TANGO6: variants seen among roughly 807,000 people sequenced by gnomAD.
TANGO6 encodes the protein transport and Golgi organization protein 6 homolog.
In TANGO6, 90 loss-of-function variants were observed where a neutral mutation model predicts 114.2. That is an observed-to-expected ratio of 0.79 (90% CI 0.66 to 0.94). The LOEUF is 0.94. Ranked by LOEUF, TANGO6 falls within the 40% of genes least tolerant of loss-of-function variation. The pLI is 0.00. For synonymous variants in TANGO6, 477 were observed against 509.8 expected (o/e 0.94, Z 0.87); for missense variants, 1,274 against 1,315.3 (o/e 0.97, Z 0.49).
chr16:68,951,515 T>C (rs932133444), intron 14 of TANGO6, among the ~76,000 whole-genome samples: 1 of 152,012 alleles, frequency 6.6e-6, no homozygotes, highest in Non-Finnish European at 1.5e-5. Context: ...AGAGGCTGGA[T>C]TCAACTCCAA....
chr16:68,978,932 T>C (rs1392236027), intron 15 of TANGO6, among the ~76,000 whole-genome samples: 1 of 151,122 alleles, frequency 6.6e-6, no homozygotes, highest in Non-Finnish European at 1.5e-5. Flanking sequence ...ATGATTTTTT[T>C]TTTTTTTTTT....
chr16:68,930,140 A>G, intron 13 of TANGO6, 98 bp from the exon 14 acceptor site: 1 of 1,017,530 alleles, frequency 9.8e-7, no homozygotes, highest in Non-Finnish European at 1.5e-6. Flanking sequence ...GAAAAACAAG[A>G]AGCGAAGCAT....
At chr16:69,078,362 T>C (rs147885602) in intron 17 of TANGO6, among the ~76,000 whole-genome samples, 275 of 152,326 alleles carry the variant, frequency 1.8e-3, no homozygotes, top group African/African-American at 5.9e-3. Context: ...TCTCTTCTTA[T>C]AGCAAGTCCA....
intron 6 of TANGO6, among the ~76,000 whole-genome samples, chr16:68,879,595 A>T: frequency 6.6e-6 from 1 of 151,946 alleles, no homozygotes; most frequent in Non-Finnish European, 1.5e-5. Context: ...CCTAGATACA[A>T]CTATTAACTC....
intron 14 of TANGO6, among the ~76,000 whole-genome samples, chr16:68,955,300 T>C (rs1279192092): frequency 6.6e-6 from 1 of 152,224 alleles, no homozygotes; most frequent in Non-Finnish European, 1.5e-5. Flanking sequence ...AGTATACTAA[T>C]TAGATAAAAT....
At chr16:68,906,245 A>G (rs1962848238) in intron 9 of TANGO6, among the ~76,000 whole-genome samples, 1 of 152,158 alleles carries the variant, frequency 6.6e-6, no homozygotes, top group Non-Finnish European at 1.5e-5. Flanking sequence ...ATTTAGCCAG[A>G]TTTTATAACT....
At position 68,888,824 on chromosome 16, in the gene TANGO6, A is replaced by T. The variant is rs189165795; in HGVS notation, c.1377+8194A>T. ...TAAATAGACTTTATTTATTATTATT[A>T]TTTTTTGAGCCGGAGTTTCGCTCTG... On this transcript the variant is annotated intron_variant, in intron 7 of 17. Transcript: ENST00000261778. Among the ~76,000 whole-genome samples, 367 of 152,096 alleles carry T rather than the reference A, an allele frequency of 2.4e-3. 1 individual carries two copies. The highest frequency in any genetic ancestry group is 8.5e-3 in the African/African-American group (354 of 41,502).
intron 4 of TANGO6, among the ~76,000 whole-genome samples, chr16:68,873,063 G>A (rs1335359920): frequency 6.6e-6 from 1 of 151,280 alleles, no homozygotes; most frequent in Non-Finnish European, 1.5e-5. Flanking sequence ...TCACAGAGCT[G>A]TGCAGTCATC....
intron 11 of TANGO6, among the ~76,000 whole-genome samples, chr16:68,915,994 G>GTCATTTATAAA (rs991788524): frequency 2.0e-5 from 3 of 152,084 alleles, no homozygotes; most frequent in Non-Finnish European, 2.9e-5. Context: ...ATGTGTATTT[G>GTCATTTATAAA]TGTGCTGTCA....
At chr16:69,054,924 CA>C (rs1419300744) in intron 17 of TANGO6, among the ~76,000 whole-genome samples, 4 of 124,942 alleles carry the variant, frequency 3.2e-5, no homozygotes, top group African/African-American at 1.2e-4. Context: ...CTGGGTGACA[CA>C]GCGAGACTCC....
intron 4 of TANGO6, among the ~76,000 whole-genome samples, chr16:68,869,985 A>T (rs1371473766): frequency 6.6e-6 from 1 of 152,130 alleles, no homozygotes; most frequent in Non-Finnish European, 1.5e-5. Context: ...TGAGTTCAGG[A>T]TGTTGAACTT....
At chr16:68,843,770 C>T (rs1961761260) in intron 1 of TANGO6, 59 bp downstream of exon 1, 1 of 1,544,316 alleles carries the variant, frequency 6.5e-7, no homozygotes, top group Non-Finnish European at 8.9e-7. Flanking sequence ...CGCCCGGCTT[C>T]CGGGGCTGCC....
At chr16:69,040,278 T>C (rs1359104996) in intron 16 of TANGO6, 30 bp from the exon 17 acceptor site, 1 of 1,556,000 alleles carries the variant, frequency 6.4e-7, no homozygotes, top group South Asian at 1.2e-5. Flanking sequence ...CTCTGATTCT[T>C]ATCAACTTCA....
chr16:68,953,398 G>C (rs967025406), intron 14 of TANGO6, among the ~76,000 whole-genome samples: 1 of 152,090 alleles, frequency 6.6e-6, no homozygotes, highest in African/African-American at 2.4e-5. Context: ...GATATTTATT[G>C]AGCACTGCTA....
rs79827563 is a variant in TANGO6, at chr16:69,011,660, A to G, written c.2843-11168A>G. Reference sequence around the variant, plus strand: ...TTTTTTAGAGACAAGCTTTCGCCATATTGCCCAAGCTGGTCTTGAACTCCT... The same window carrying G: ...TTTTTTAGAGACAAGCTTTCGCCATGTTGCCCAAGCTGGTCTTGAACTCCT... On this transcript the variant is annotated intron_variant, in intron 15 of 17. Coordinates refer to ENST00000261778, the MANE Select transcript of TANGO6 (RefSeq NM_024562.2). Among the ~76,000 whole-genome samples the G allele has an allele frequency of 3.1e-3, 476 of 152,004 alleles. 12 individuals carry two copies. The East Asian group carries it at 0.082, about 26-fold the overall frequency.
intron 5 of TANGO6, among the ~76,000 whole-genome samples, chr16:68,876,545 G>A (rs547387292): frequency 2.0e-5 from 3 of 151,834 alleles, no homozygotes; most frequent in Non-Finnish European, 2.9e-5. Context: ...CTTTGGCCAG[G>A]CACAGTGGCT....
chr16:68,890,869 T>A (rs950726484), intron 7 of TANGO6, among the ~76,000 whole-genome samples: 1 of 148,022 alleles, frequency 6.8e-6, no homozygotes, highest in African/African-American at 2.5e-5. Flanking sequence ...ACCAAAAAAA[T>A]AAAAAATTAG....
intron 14 of TANGO6, among the ~76,000 whole-genome samples, chr16:68,950,217 T>G (rs1291851795): frequency 6.6e-6 from 1 of 152,092 alleles, no homozygotes; most frequent in Non-Finnish European, 1.5e-5. Flanking sequence ...AATTAGATAG[T>G]GGGGATTATT....
At chr16:68,849,602 A>G (rs1052772744) in intron 1 of TANGO6, among the ~76,000 whole-genome samples, 3 of 151,388 alleles carry the variant, frequency 2.0e-5, no homozygotes, top group African/African-American at 7.3e-5. Context: ...TGAGGGTGCA[A>G]TGGACTATGA....
Sources: gnomAD v4.1 joint callset for allele counts (sites outside exome capture counted in the v4.1 genomes callset) on GRCh38, gnomAD v4.1.1 for gene constraint, MANE v1.5 for transcripts, NCBI Gene and HGNC (gene_info 2026-07-23, HGNC 2026-07-21) for gene names.